The following OPRM1 variants were observed in gnomAD, a reference collection of about 807,000 sequenced individuals.
The protein encoded by OPRM1 is mu-type opioid receptor.
OPRM1 carries 27 observed loss-of-function variants against 31.8 expected under a neutral mutation model. The observed-to-expected ratio is 0.85, with a 90% CI of 0.63 to 1.17. The LOEUF (loss-of-function observed/expected upper bound fraction) is 1.17, where lower values mean the gene tolerates loss of function less well. Among genes scored for constraint, OPRM1 ranks in the 50% most tolerant of loss-of-function variants. The pLI is 0.00. For synonymous variants in OPRM1, 196 were observed against 189.9 expected (o/e 1.03, Z -0.26); for missense variants, 536 against 511.1 (o/e 1.05, Z -0.47).
Position 154,100,158 on chromosome 6 carries a change from C to CATATCATAATATATATTATCATATTAT in OPRM1, c.1164+8686_1164+8687insATATCATAATATATATTATCATATTAT, listed in dbSNP as rs753395267. Among the ~76,000 whole-genome samples, 30 of 19,184 alleles carry CATATCATAATATATATTATCATATTAT rather than the reference C, an allele frequency of 1.6e-3. 2 individuals are homozygous for CATATCATAATATATATTATCATATTAT. The highest frequency in any genetic ancestry group is 3.0e-3 in the Admixed American group (4 of 1,316). 12.6% of individuals were successfully genotyped at this position (19,184 alleles called of 152,430 possible). On this transcript the variant is annotated intron_variant, in intron 3 of 3. Transcript: ENST00000330432. ...TATAATATATATTATCATATTATGA[C>CATATCATAATATATATTATCATATTAT]GTATCATAATATATATTATCATATT... is the stretch of plus-strand genomic sequence containing the variant.
chr6:154,200,234 TTA>T (rs1776952224), intron 3 of OPRM1, among the ~76,000 whole-genome samples: 1 of 152,200 alleles, frequency 6.6e-6, no homozygotes, highest in African/African-American at 2.4e-5. Flanking sequence ...CAAAACTGAT[TTA>T]TGTAACTTTA....
intron 1 of OPRM1, among the ~76,000 whole-genome samples, chr6:154,057,258 C>CA (rs1290830059): frequency 6.6e-6 from 1 of 152,150 alleles, no homozygotes; most frequent in African/African-American, 2.4e-5. Context: ...GCACTATGTA[C>CA]AAAGCACTCT....
intron 1 of OPRM1, among the ~76,000 whole-genome samples, chr6:154,021,473 C>T (rs758427302): frequency 6.6e-6 from 1 of 152,148 alleles, no homozygotes; most frequent in Non-Finnish European, 1.5e-5. Flanking sequence ...ACTTAAAAAT[C>T]AGTTTGTTGA....
intron 3 of OPRM1, among the ~76,000 whole-genome samples, chr6:154,180,349 T>C (rs1270303810): frequency 6.8e-6 from 1 of 147,498 alleles, no homozygotes; most frequent in Non-Finnish European, 1.5e-5. Context: ...AAAGGAGACA[T>C]ATATATATAT....
At chr6:154,220,915 G>A (rs1778815050) in intron 3 of OPRM1, among the ~76,000 whole-genome samples, 1 of 152,266 alleles carries the variant, frequency 6.6e-6, no homozygotes, top group East Asian at 1.9e-4. Flanking sequence ...TATTTTGCAT[G>A]TAGAATTCCG....
chr6:154,025,989 G>A (rs1778673161), intron 1 of OPRM1, among the ~76,000 whole-genome samples: 1 of 151,966 alleles, frequency 6.6e-6, no homozygotes, highest in Admixed American at 6.5e-5. Context: ...AAGTTATAAT[G>A]TTATAATATT....
chr6:154,084,619 C>T lies in OPRM1; in HGVS notation c.291-5207C>T, dbSNP rs541683003. Among the ~76,000 whole-genome samples the T allele has an allele frequency of 5.9e-5, 9 of 152,156 alleles. No homozygotes were observed. The East Asian group carries it at 1.7e-3, about 29-fold the overall frequency. ...AATATGAGTATTAAAGTATGACACT[C>T]TAGGGAGGATTTTTTTCTCGACTAA... On this transcript the variant is annotated intron_variant, in intron 1 of 3. Transcript: ENST00000330432.
chr6:154,063,340 T>C (rs933622168), intron 1 of OPRM1, among the ~76,000 whole-genome samples: 2 of 152,034 alleles, frequency 1.3e-5, no homozygotes, highest in African/African-American at 2.4e-5. Context: ...AGATAGCTTA[T>C]GTTTCATGGT....
intron 3 of OPRM1, among the ~76,000 whole-genome samples, chr6:154,225,052 T>C (rs1779147858): frequency 6.6e-6 from 1 of 152,176 alleles, no homozygotes; most frequent in Non-Finnish European, 1.5e-5. Context: ...AGACTGAGTA[T>C]CCCTTATTTG....
chr6:154,052,064 A>G (rs1782310288), intron 1 of OPRM1, among the ~76,000 whole-genome samples: 1 of 152,194 alleles, frequency 6.6e-6, no homozygotes. Flanking sequence ...ATCCTCAGCA[A>G]GCTGACACAG....
chr6:154,042,444 A>G (rs1323002782), intron 1 of OPRM1, among the ~76,000 whole-genome samples: 2 of 152,198 alleles, frequency 1.3e-5, no homozygotes, highest in African/African-American at 2.4e-5. Flanking sequence ...ATGCTATTGA[A>G]TGATCAAGTA....
Position 154,072,947 on chromosome 6 carries a change from G to A in OPRM1, c.291-16879G>A, listed in dbSNP as rs545080936. Among the ~76,000 whole-genome samples the A allele has an allele frequency of 5.3e-5, 8 of 152,138 alleles. No homozygotes were observed. In the East Asian group the frequency reaches 1.2e-3, roughly 22 times the overall value. On this transcript the variant is annotated intron_variant, in intron 1 of 3. Transcript: ENST00000330432. Reference sequence around the variant, plus strand: ...ATAGAGTACTTTTATGTTTTCCTTGGGAAGCTGAATCTCAAAGAAAGAGAG... The same window carrying A: ...ATAGAGTACTTTTATGTTTTCCTTGAGAAGCTGAATCTCAAAGAAAGAGAG...
chr6:154,085,170 A>C (rs552822498), intron 1 of OPRM1, among the ~76,000 whole-genome samples: 1 of 152,264 alleles, frequency 6.6e-6, no homozygotes, highest in Non-Finnish European at 1.5e-5. Flanking sequence ...TAGTTGGAGA[A>C]ATGTGTGAAG....
rs1301879776 is a variant in OPRM1 at position 154,180,412 on chromosome 6, A to ATTT, written c.1165-66280_1165-66279insTTT. On this transcript the variant is annotated intron_variant, in intron 3 of 3. Transcript: ENST00000337049. The stretch of plus-strand genomic sequence containing the variant: ...TATATATATATATATATATATATAT[A>ATTT]TATTTTTTTTTTAAACATGATCCTT... 7.4e-3 allele frequency among the ~76,000 whole-genome samples: 375 copies of ATTT among 50,734 alleles called. 3 individuals carry two copies. The highest frequency in any genetic ancestry group is 0.024 in the African/African-American group (293 of 12,378). The allele number at this position is 50,734 out of a possible 152,430, so 33.3% of individuals were successfully genotyped here.
At chr6:154,198,274 C>T (rs1172014827) in intron 3 of OPRM1, among the ~76,000 whole-genome samples, 2 of 152,170 alleles carry the variant, frequency 1.3e-5, no homozygotes, top group African/African-American at 4.8e-5. Context: ...AAGCTCAATA[C>T]TTTCACCAAA....
At chr6:154,025,142 A>T (rs927324906) in intron 1 of OPRM1, among the ~76,000 whole-genome samples, 1 of 151,984 alleles carries the variant, frequency 6.6e-6, no homozygotes, top group Non-Finnish European at 1.5e-5. Context: ...CTATTATTGT[A>T]TTGGGGCCTG....
intron 3 of OPRM1, chr6:154,154,943 TA>T (rs1225799341): frequency 6.6e-6 from 1 of 152,504 alleles, no homozygotes. Context: ...ATATGGCGAT[TA>T]AAACTCCTGG....
Position 154,105,525 on chromosome 6 carries a change from G to A in OPRM1, c.1165-13158G>A, listed in dbSNP as rs138556553. The stretch of plus-strand genomic sequence containing the variant: ...TAAGAACACCTGTTAGAGTTCTATA[G>A]TTGATTATAAATCATCTTCTAAAGA... On this transcript the variant is annotated intron_variant, in intron 3 of 3. Transcript: ENST00000330432. Among the ~76,000 whole-genome samples the A allele has an allele frequency of 3.9e-5, 6 of 152,186 alleles. No individual in the cohort carries two copies. The East Asian group carries it at 1.2e-3, about 29-fold the overall frequency.
intron 1 of OPRM1, among the ~76,000 whole-genome samples, chr6:154,024,493 T>A (rs1313537835): frequency 6.6e-6 from 1 of 152,000 alleles, no homozygotes; most frequent in Non-Finnish European, 1.5e-5. Flanking sequence ...AACCTCATTT[T>A]TTGTTTTGTT....
Sources: allele counts gnomAD v4.1 joint callset (sites outside exome capture counted in the v4.1 genomes callset), GRCh38; gene constraint gnomAD v4.1.1; transcripts MANE v1.5; gene names NCBI Gene and HGNC (gene_info 2026-07-23, HGNC 2026-07-21).